TRPC1: variants seen among roughly 807,000 people sequenced by gnomAD.
TRPC1 encodes short transient receptor potential channel 1.
Under a neutral mutation model 88.2 loss-of-function variants are expected in TRPC1, and 42 were observed. That is an observed-to-expected ratio of 0.48 (90% CI 0.37 to 0.62). TRPC1 has a LOEUF of 0.62. Ranked by LOEUF, TRPC1 falls within the 20% of genes least tolerant of loss-of-function variation. The pLI is 0.00. For synonymous variants in TRPC1, 288 were observed against 331.8 expected (o/e 0.87, Z 1.43); for missense variants, 699 against 957.3 (o/e 0.73, Z 3.56).
At chr3:142,739,399 A>G (rs557089012) in intron 2 of TRPC1, among the ~76,000 whole-genome samples, 52 of 152,324 alleles carry the variant, frequency 3.4e-4, no homozygotes, top group Admixed American at 3.3e-4. Context: ...TCCAGAATCT[A>G]TGGTCTTACC....
intron 4 of TRPC1, among the ~76,000 whole-genome samples, chr3:142,766,194 G>T (rs534930415): frequency 2.1e-4 from 32 of 152,210 alleles, no homozygotes; most frequent in African/African-American, 7.5e-4. Context: ...AACTCGATTG[G>T]ATTGAAGGGT....
rs1028415294 is a variant in TRPC1, at chr3:142,807,784, A to C, written c.*1549A>C. 3.3e-5 allele frequency: 5 copies of C among 152,170 alleles called. No homozygotes were observed. The highest frequency in any genetic ancestry group is 4.8e-5 in the African/African-American group (2 of 41,436). The allele number at this position is 152,170 out of a possible 1,614,324, so 9.4% of individuals were successfully genotyped here. A position where few individuals can be genotyped will look rare whatever the true frequency, so the allele number is the denominator to read the frequency against. On this transcript the variant is annotated 3_prime_UTR_variant, in exon 13 of 13. Coordinates refer to ENST00000476941, the MANE Select transcript of TRPC1 (RefSeq NM_001251845.2). Reference sequence around the variant, plus strand: ...CACCTAATTATTAAAACATTTATAGAGTGCCTACTGTATGCATGAGTTGAG... The same window carrying C: ...CACCTAATTATTAAAACATTTATAGCGTGCCTACTGTATGCATGAGTTGAG...
intron 4 of TRPC1, among the ~76,000 whole-genome samples, chr3:142,772,443 T>G (rs1233986861): frequency 2.6e-5 from 4 of 152,184 alleles, no homozygotes; most frequent in African/African-American, 9.7e-5. Flanking sequence ...CAGCTACTGT[T>G]GAGCCCTGTA....
intron 7 of TRPC1, 26 bp from the exon 8 acceptor site, chr3:142,790,993 T>C (rs1560116388): frequency 1.3e-6 from 2 of 1,536,366 alleles, no homozygotes; most frequent in South Asian, 1.3e-5. Context: ...GAAAGTGTTA[T>C]CTGATTTTTT....
intron 2 of TRPC1, among the ~76,000 whole-genome samples, chr3:142,739,100 T>C (rs1283952630): frequency 2.0e-5 from 3 of 152,094 alleles, no homozygotes; most frequent in African/African-American, 7.2e-5. Context: ...GCCTCCCAAG[T>C]AGCTGGGATT....
chr3:142,778,733 A>G (rs893641376), intron 5 of TRPC1, among the ~76,000 whole-genome samples: 4 of 152,156 alleles, frequency 2.6e-5, no homozygotes, highest in Non-Finnish European at 5.9e-5. Context: ...GGAAAGTTCA[A>G]ATTTCTACTT....
Position 142,806,514 on chromosome 3 carries a change from GT to G in TRPC1, c.*288del, listed in dbSNP as rs925600130. The stretch of plus-strand genomic sequence containing the variant: ...GTTTTCTTACTTAGTGCTTTAAAAT[GT>G]TTTTTTTTATGTTTAAGAGGGGCAG... On this transcript the variant is annotated 3_prime_UTR_variant, in exon 13 of 13. Transcript: ENST00000476941. 34 of 214,144 alleles carry G rather than the reference GT, an allele frequency of 1.6e-4. No homozygotes were observed. The highest frequency in any genetic ancestry group is 3.1e-4 in the South Asian group (3 of 9,694). 13.3% of individuals were successfully genotyped at this position (214,144 alleles called of 1,614,324 possible).
intron 4 of TRPC1, among the ~76,000 whole-genome samples, chr3:142,756,691 T>C (rs1342732984): frequency 6.6e-6 from 1 of 152,146 alleles, no homozygotes; most frequent in African/African-American, 2.4e-5. Flanking sequence ...GCCACATACT[T>C]ACTGAAACTT....
chr3:142,805,959 T>C, intron 12 of TRPC1, 49 bp from the exon 13 acceptor site: 1 of 1,536,566 alleles, frequency 6.5e-7, no homozygotes, highest in Non-Finnish European at 8.9e-7. Context: ...CTCTACCTCA[T>C]TTAAATATCG....
intron 4 of TRPC1, among the ~76,000 whole-genome samples, chr3:142,757,154 T>G (rs1217105978): frequency 6.6e-6 from 1 of 152,196 alleles, no homozygotes; most frequent in Non-Finnish European, 1.5e-5. Flanking sequence ...AGTCCATATC[T>G]TGACTATTGT....
intron 4 of TRPC1, among the ~76,000 whole-genome samples, chr3:142,768,726 T>C (rs994031494): frequency 3.3e-5 from 5 of 152,082 alleles, no homozygotes; most frequent in African/African-American, 1.2e-4. Context: ...TCCTCTGTGT[T>C]TTTTAACTAT....
intron 7 of TRPC1, among the ~76,000 whole-genome samples, chr3:142,786,909 A>G (rs576917994): frequency 6.6e-6 from 1 of 152,310 alleles, no homozygotes; most frequent in East Asian, 1.9e-4. Context: ...TAAAGTTTAT[A>G]TGTCTTAGCA....
At position 142,807,195 on chromosome 3, in the gene TRPC1, C is replaced by G. The variant is rs933731476; in HGVS notation, c.*960C>G. On this transcript the variant is annotated 3_prime_UTR_variant, in exon 13 of 13. Coordinates refer to ENST00000476941, the MANE Select transcript of TRPC1 (RefSeq NM_001251845.2). Reference sequence around the variant, plus strand: ...TGTTTTTGTAAAACATAGGAAGTCTCTTTAATGCAATGATTTGTTTTATAT... The same window carrying G: ...TGTTTTTGTAAAACATAGGAAGTCTGTTTAATGCAATGATTTGTTTTATAT... 1.3e-5 allele frequency: 2 copies of G among 151,880 alleles called. No homozygotes were observed. Among genetic ancestry groups the G allele is most frequent in the Admixed American group, 6.6e-5 (1 of 15,242 alleles). 9.4% of individuals were successfully genotyped at this position (151,880 alleles called of 1,614,324 possible).
intron 9 of TRPC1, among the ~76,000 whole-genome samples, chr3:142,796,900 C>T (rs1936470022): frequency 6.6e-6 from 1 of 152,100 alleles, no homozygotes; most frequent in Non-Finnish European, 1.5e-5. Flanking sequence ...TTTACTCCTG[C>T]TGTCCAAGGG....
At chr3:142,790,960 ATTTAG>A (rs751716089) in intron 7 of TRPC1, 54 bp from the exon 8 acceptor site, 111 of 1,348,818 alleles carry the variant, frequency 8.2e-5, no homozygotes, top group Non-Finnish European at 1.0e-4. Context: ...TTAAAGTATT[ATTTAG>A]TTTATTTATT....
chr3:142,794,161 T>C (rs1195939323), intron 9 of TRPC1, among the ~76,000 whole-genome samples: 1 of 152,152 alleles, frequency 6.6e-6, no homozygotes, highest in African/African-American at 2.4e-5. Flanking sequence ...ATAGAAACAC[T>C]GGCTTAAACT....
chr3:142,748,083 GAGTTA>G (rs1934623676), intron 3 of TRPC1, among the ~76,000 whole-genome samples, 170 bp from the exon 4 acceptor site: 1 of 152,084 alleles, frequency 6.6e-6, no homozygotes, highest in Non-Finnish European at 1.5e-5. Context: ...TTATTAATTA[GAGTTA>G]AGTTTTGAGG....
intron 2 of TRPC1, among the ~76,000 whole-genome samples, chr3:142,739,791 T>C (rs1360332898): frequency 1.3e-5 from 2 of 152,112 alleles, no homozygotes; most frequent in Non-Finnish European, 2.9e-5. Context: ...TTTGTAGTAA[T>C]CTACATATGA....
intron 5 of TRPC1, among the ~76,000 whole-genome samples, chr3:142,780,459 A>G (rs1037017408): frequency 5.3e-5 from 8 of 152,220 alleles, no homozygotes; most frequent in African/African-American, 1.2e-4. Flanking sequence ...TATTATGTCT[A>G]TTGTTAAGGT....
Sources: gnomAD v4.1 joint callset for allele counts (sites outside exome capture counted in the v4.1 genomes callset) on GRCh38, gnomAD v4.1.1 for gene constraint, MANE v1.5 for transcripts, NCBI Gene and HGNC (gene_info 2026-07-23, HGNC 2026-07-21) for gene names.